VTI1A: variants seen among roughly 807,000 people sequenced by gnomAD.
VTI1A encodes vesicle transport through interaction with t-SNAREs 1A.
Under a neutral mutation model 34.9 loss-of-function variants are expected in VTI1A, and 22 were observed. The observed-to-expected ratio is 0.63, with a 90% CI of 0.45 to 0.90. The LOEUF is 0.90. Among genes scored for constraint, VTI1A ranks in the 40% least tolerant of loss-of-function variants. The pLI, the probability that VTI1A is intolerant of heterozygous loss-of-function variation, is 0.00. For missense variants in VTI1A, 268 were observed against 275.6 expected, an observed-to-expected ratio of 0.97 and a Z score of 0.20; for synonymous variants, 87 against 97.3, an observed-to-expected ratio of 0.89 and a Z score of 0.62.
chr10:112,681,631 G>T (rs983932986), intron 7 of VTI1A, among the ~76,000 whole-genome samples: 1 of 152,156 alleles, frequency 6.6e-6, no homozygotes, highest in East Asian at 1.9e-4. Flanking sequence ...AAACAATTAT[G>T]AAAAATCTTT....
At chr10:112,696,785 T>C (rs865976642) in intron 7 of VTI1A, among the ~76,000 whole-genome samples, 7 of 152,198 alleles carry the variant, frequency 4.6e-5, no homozygotes, top group African/African-American at 1.7e-4. Flanking sequence ...AACCATGCTT[T>C]TTCTGCTGAG....
chr10:112,609,883 G>A (rs1025512233), intron 5 of VTI1A, among the ~76,000 whole-genome samples: 14 of 152,212 alleles, frequency 9.2e-5, no homozygotes, highest in African/African-American at 2.6e-4. Context: ...AAATGGCTCC[G>A]TCCAGAATGG....
At chr10:112,514,206 G>A (rs1030485077) in intron 3 of VTI1A, among the ~76,000 whole-genome samples, 2 of 151,706 alleles carry the variant, frequency 1.3e-5, no homozygotes, top group Non-Finnish European at 3.0e-5. Flanking sequence ...TTTTCTGTTT[G>A]GATTTTCTAT....
intron 5 of VTI1A, among the ~76,000 whole-genome samples, chr10:112,556,188 T>TGATGTGAC: frequency 6.6e-6 from 1 of 151,974 alleles, no homozygotes; most frequent in Non-Finnish European, 1.5e-5. Flanking sequence ...AGGTAAGGAC[T>TGATGTGAC]TCTTATGTGA....
At chr10:112,508,587 T>G (rs1198751879) in intron 3 of VTI1A, among the ~76,000 whole-genome samples, 1 of 152,236 alleles carries the variant, frequency 6.6e-6, no homozygotes. Context: ...CAACCAAGTA[T>G]GCATTTTTAT....
the VTI1A span, among the ~76,000 whole-genome samples, chr10:112,849,240 C>G: frequency 6.6e-6 from 1 of 152,260 alleles, no homozygotes; most frequent in East Asian, 1.9e-4. Context: ...TCATCTGCAA[C>G]TGTTAAGACT....
intron 3 of VTI1A, among the ~76,000 whole-genome samples, chr10:112,497,094 G>T (rs1445307638): frequency 6.6e-6 from 1 of 152,020 alleles, no homozygotes; most frequent in Non-Finnish European, 1.5e-5. Context: ...GAGGCAGGCG[G>T]ATCACCTGAG....
chr10:112,684,277 T>G (rs1179026053), intron 7 of VTI1A, among the ~76,000 whole-genome samples: 1 of 152,206 alleles, frequency 6.6e-6, no homozygotes, highest in Non-Finnish European at 1.5e-5. Context: ...GTAATCATTA[T>G]TTATATGGTT....
At chr10:112,526,027 G>A (rs1850212015) in intron 3 of VTI1A, among the ~76,000 whole-genome samples, 1 of 152,200 alleles carries the variant, frequency 6.6e-6, no homozygotes, top group Non-Finnish European at 1.5e-5. Flanking sequence ...GTGAGGAAGA[G>A]ATTACTGTTT....
intron 3 of VTI1A, among the ~76,000 whole-genome samples, chr10:112,505,350 C>T (rs546110691): frequency 1.7e-4 from 26 of 152,012 alleles, no homozygotes; most frequent in Admixed American, 3.9e-4. Flanking sequence ...AGCATGCTAC[C>T]GTATTAAATT....
intron 7 of VTI1A, among the ~76,000 whole-genome samples, chr10:112,719,146 T>G (rs1197065973): frequency 1.3e-5 from 2 of 152,242 alleles, no homozygotes; most frequent in Non-Finnish European, 2.9e-5. Context: ...TTTGTCATTC[T>G]TTTTTTAAAT....
At chr10:112,584,099 A>G (rs1415292807) in intron 5 of VTI1A, among the ~76,000 whole-genome samples, 1 of 152,194 alleles carries the variant, frequency 6.6e-6, no homozygotes, top group East Asian at 1.9e-4. Context: ...TAGCATCTAC[A>G]ATAGTATTTA....
intron 7 of VTI1A, among the ~76,000 whole-genome samples, chr10:112,802,799 G>A (rs1852921516): frequency 6.6e-6 from 1 of 152,084 alleles, no homozygotes; most frequent in African/African-American, 2.4e-5. Context: ...TAATTTCCAA[G>A]GGAGACTACA....
chr10:112,761,678 A>G (rs895109315), intron 7 of VTI1A, among the ~76,000 whole-genome samples: 18 of 152,272 alleles, frequency 1.2e-4, no homozygotes, highest in Non-Finnish European at 2.5e-4. Context: ...ATTTTACACA[A>G]CTGAGTTTGG....
At chr10:112,697,458 G>C (rs550907423) in intron 7 of VTI1A, among the ~76,000 whole-genome samples, 1 of 146,318 alleles carries the variant, frequency 6.8e-6, no homozygotes, top group Non-Finnish European at 1.5e-5. Context: ...GTACAATGGC[G>C]CTATCTCAGC....
intron 5 of VTI1A, among the ~76,000 whole-genome samples, chr10:112,612,060 G>A (rs1024136750): frequency 6.6e-6 from 1 of 151,978 alleles, no homozygotes; most frequent in African/African-American, 2.4e-5. Flanking sequence ...GTAATTATTA[G>A]AGTTATTTTT....
At chr10:112,517,075 C>T (rs1050099808) in intron 3 of VTI1A, among the ~76,000 whole-genome samples, 10 of 151,884 alleles carry the variant, frequency 6.6e-5, no homozygotes, top group African/African-American at 2.4e-4. Context: ...GGGCTAAGGA[C>T]GGAGACCTAG....
chr10:112,511,206 A>G (rs1008625974), intron 3 of VTI1A, among the ~76,000 whole-genome samples: 1 of 148,684 alleles, frequency 6.7e-6, no homozygotes, highest in Non-Finnish European at 1.5e-5. Context: ...TTGCTTATTT[A>G]TTTATTTAAT....
chr10:112,818,029 C>T lies in VTI1A; in HGVS notation c.*2646C>T, dbSNP rs549583510. The stretch of plus-strand genomic sequence containing the variant: ...AAGTTGTAAAGAGTTTTAAATGATC[C>T]GTGTTGAAGGCGAATGCCTGCAAAT... On this transcript the variant is annotated 3_prime_UTR_variant, in exon 8 of 8. Coordinates refer to ENST00000393077, the MANE Select transcript of VTI1A (RefSeq NM_145206.4). 1.2e-4 allele frequency: 28 copies of T among 233,280 alleles called. No homozygotes were observed. Among genetic ancestry groups the T allele is most frequent in the South Asian group, 9.1e-4 (5 of 5,520 alleles). The allele number at this position is 233,280 out of a possible 1,614,324, so 14.5% of individuals were successfully genotyped here. A position where few individuals can be genotyped will look rare whatever the true frequency, so the allele number is the denominator to read the frequency against.
Sources: allele counts gnomAD v4.1 joint callset (sites outside exome capture counted in the v4.1 genomes callset), GRCh38; gene constraint gnomAD v4.1.1; transcripts MANE v1.5; gene names NCBI Gene and HGNC (gene_info 2026-07-23, HGNC 2026-07-21).